PTPRD: variants seen among roughly 807,000 people sequenced by gnomAD.
The protein encoded by PTPRD is protein tyrosine phosphatase receptor type D, also known as receptor-type tyrosine-protein phosphatase delta.
A neutral mutation model predicts 214.5 loss-of-function variants in PTPRD; 34 were observed. The ratio of observed to expected loss-of-function variants is 0.16; its 90% CI spans 0.12 to 0.21. The LOEUF (loss-of-function observed/expected upper bound fraction) is 0.21, where lower values mean the gene tolerates loss of function less well. Ranked by LOEUF, PTPRD falls within the 10% of genes least tolerant of loss-of-function variation. The probability of loss-of-function intolerance (pLI) is 1.00; values close to 1 mark genes in which losing one functional copy is unlikely to be tolerated. For synonymous variants in PTPRD, 1,128 were observed against 845.7 expected (o/e 1.33, Z -5.79); for missense variants, 2,545 against 2,398.7 (o/e 1.06, Z -1.27).
intron 11 of PTPRD, among the ~76,000 whole-genome samples, chr9:9,017,756 A>G (rs1007806406): frequency 6.6e-6 from 1 of 152,226 alleles, no homozygotes; most frequent in Non-Finnish European, 1.5e-5. Context: ...ATAGATAAAA[A>G]TATTCAAGGC....
rs991278146 is a variant in PTPRD at position 10,149,889 on chromosome 9, C to T, written c.-544-116099G>A. Among the ~76,000 whole-genome samples, 2 of 151,962 alleles carry T rather than the reference C, an allele frequency of 1.3e-5. 1 individual carries two copies. The highest frequency in any genetic ancestry group is 1.3e-4 in the Admixed American group (2 of 15,232). On this transcript the variant is annotated intron_variant, in intron 3 of 45. Coordinates refer to ENST00000381196, the MANE Select transcript of PTPRD (RefSeq NM_002839.4). The stretch of plus-strand genomic sequence containing the variant: ...GGGATTACAGGCACCTGCCACAACA[C>T]CCAGCTAATTTTTGTATTTTTAGTA...
chr9:9,247,651 C>T (rs1230655491), intron 9 of PTPRD, among the ~76,000 whole-genome samples: 5 of 152,014 alleles, frequency 3.3e-5, no homozygotes, highest in East Asian at 1.9e-4. Flanking sequence ...ATACAAGGCC[C>T]GACTCACATG....
At chr9:9,221,784 C>G (rs1569564327) in intron 9 of PTPRD, among the ~76,000 whole-genome samples, 1 of 152,000 alleles carries the variant, frequency 6.6e-6, no homozygotes, top group Non-Finnish European at 1.5e-5. Flanking sequence ...AACCTGTTAG[C>G]AATCTGTCAC....
At chr9:10,299,727 A>G (rs2095802560) in intron 3 of PTPRD, among the ~76,000 whole-genome samples, 1 of 152,198 alleles carries the variant, frequency 6.6e-6, no homozygotes, top group African/African-American at 2.4e-5. Flanking sequence ...TATAGCTGGA[A>G]GCAGATACAT....
In PTPRD at chr9:8,786,091, C is replaced by G. The variant is rs184441972; in HGVS notation, c.-103-52145G>C. Among the ~76,000 whole-genome samples the G allele has an allele frequency of 4.0e-5, 6 of 151,078 alleles. No individual in the cohort carries two copies. In the East Asian group the frequency reaches 1.2e-3, roughly 30 times the overall value. On this transcript the variant is annotated intron_variant, in intron 11 of 45. Transcript: ENST00000381196. Reference sequence around the variant, plus strand: ...TGTGTACCTCATACACATTGTTCACCGCTAGTGGCAATTCAGATACTGACC... The same window carrying G: ...TGTGTACCTCATACACATTGTTCACGGCTAGTGGCAATTCAGATACTGACC...
intron 8 of PTPRD, among the ~76,000 whole-genome samples, chr9:9,406,332 T>G (rs1262190885): frequency 1.3e-5 from 2 of 151,924 alleles, no homozygotes; most frequent in Non-Finnish European, 2.9e-5. Context: ...AACATTAAGC[T>G]TGAAGTAAAC....
chr9:9,139,560 C>A (rs751908877), intron 10 of PTPRD, among the ~76,000 whole-genome samples: 1 of 152,102 alleles, frequency 6.6e-6, no homozygotes, highest in Admixed American at 6.5e-5. Context: ...TCGAGGGTGG[C>A]TACTAAGTGA....
chr9:8,641,304 G>A (rs10114687), intron 12 of PTPRD, among the ~76,000 whole-genome samples: 2 of 147,124 alleles, frequency 1.4e-5, no homozygotes, highest in Non-Finnish European at 2.9e-5. Context: ...TATAGTTAGT[G>A]TACAAAAAAA....
At chr9:8,493,446 C>T (rs988409736) in intron 26 of PTPRD, among the ~76,000 whole-genome samples, 1 of 151,950 alleles carries the variant, frequency 6.6e-6, no homozygotes. Flanking sequence ...CAGCTCTCCA[C>T]ACATATCCAC....
intron 11 of PTPRD, among the ~76,000 whole-genome samples, chr9:8,984,089 T>A (rs1433371010): frequency 6.6e-6 from 1 of 152,096 alleles, no homozygotes; most frequent in Non-Finnish European, 1.5e-5. Flanking sequence ...ATTTAAAAAC[T>A]ACATGTGTAT....
intron 10 of PTPRD, among the ~76,000 whole-genome samples, chr9:9,019,416 G>C (rs571489754): frequency 6.6e-6 from 1 of 152,052 alleles, no homozygotes; most frequent in African/African-American, 2.4e-5. Context: ...TATATACCTC[G>C]AAGTTTGGCT....
intron 12 of PTPRD, among the ~76,000 whole-genome samples, chr9:8,680,030 T>C (rs1380762578): frequency 6.6e-6 from 1 of 152,212 alleles, no homozygotes; most frequent in Non-Finnish European, 1.5e-5. Flanking sequence ...GGAGATTAAA[T>C]GTAATATTGA....
intron 35 of PTPRD, among the ~76,000 whole-genome samples, chr9:8,429,779 T>C (rs575305600): frequency 6.6e-6 from 1 of 152,202 alleles, no homozygotes; most frequent in African/African-American, 2.4e-5. Flanking sequence ...GTGTTGGGAC[T>C]GGGCTTTGTG....
chr9:9,705,782 AAT>A (rs2097589292), intron 7 of PTPRD, among the ~76,000 whole-genome samples: 1 of 152,220 alleles, frequency 6.6e-6, no homozygotes, highest in Non-Finnish European at 1.5e-5. Context: ...TTTTAAATTA[AAT>A]ATCTTTATCA....
At chr9:8,723,928 C>T (rs1388666548) in intron 12 of PTPRD, among the ~76,000 whole-genome samples, 2 of 152,174 alleles carry the variant, frequency 1.3e-5, no homozygotes, top group Non-Finnish European at 2.9e-5. Flanking sequence ...CATTTAATAA[C>T]TGTAGTTACT....
At chr9:9,157,088 C>T (rs722636) in intron 10 of PTPRD, among the ~76,000 whole-genome samples, 47,888 of 151,956 alleles carry the variant, frequency 0.32, 8,235 homozygotes, top group Non-Finnish European at 0.39. Flanking sequence ...GAATTAGTGG[C>T]CGGAAACACA....
chr9:8,331,548 C>CTTATCACTGCTTTATTCACA (rs1563995346), intron 44 of PTPRD, 34 bp downstream of exon 44: 1 of 1,032,854 alleles, frequency 9.7e-7, no homozygotes, highest in East Asian at 4.1e-5. Context: ...AACACCACCA[C>CTTATCACTGCTTTATTCACA]TTATCACTGC....
At chr9:8,452,693 G>A (rs1225118062) in intron 33 of PTPRD, among the ~76,000 whole-genome samples, 1 of 152,142 alleles carries the variant, frequency 6.6e-6, no homozygotes, top group Non-Finnish European at 1.5e-5. Context: ...AAAAGGAAAT[G>A]GAAGATCACT....
intron 14 of PTPRD, among the ~76,000 whole-genome samples, chr9:8,549,866 A>G (rs1459436893): frequency 1.3e-5 from 2 of 152,216 alleles, no homozygotes; most frequent in African/African-American, 4.8e-5. Context: ...AAGCCATGCA[A>G]TCAGACAAAA....
Sources: allele counts gnomAD v4.1 joint callset (sites outside exome capture counted in the v4.1 genomes callset), GRCh38; gene constraint gnomAD v4.1.1; transcripts MANE v1.5; gene names NCBI Gene and HGNC (gene_info 2026-07-23, HGNC 2026-07-21).